The following TENM2 variants were observed in gnomAD, a reference collection of about 807,000 sequenced individuals.
TENM2 encodes the protein teneurin transmembrane protein 2.
TENM2 carries 52 observed loss-of-function variants against 245.2 expected under a neutral mutation model. That is an observed-to-expected ratio of 0.21 (90% CI 0.17 to 0.27). The LOEUF (loss-of-function observed/expected upper bound fraction) is 0.27, where lower values mean the gene tolerates loss of function less well. Ranked by LOEUF, TENM2 falls within the 10% of genes least tolerant of loss-of-function variation. The pLI is 1.00. For synonymous variants in TENM2, 1,363 were observed against 1,438.9 expected, an observed-to-expected ratio of 0.95 and a Z score of 1.19; for missense variants, 3,046 against 3,666.8, an observed-to-expected ratio of 0.83 and a Z score of 4.37.
intron 2 of TENM2, among the ~76,000 whole-genome samples, chr5:167,499,509 C>A (rs1490655301): frequency 1.3e-5 from 2 of 152,180 alleles, no homozygotes; most frequent in Middle Eastern, 3.4e-3. Context: ...ATAAAAGAAA[C>A]CAGAATAGTC....
chr5:167,319,268 T>G (rs1325707702), intron 1 of TENM2, among the ~76,000 whole-genome samples: 6 of 152,214 alleles, frequency 3.9e-5, no homozygotes, highest in African/African-American at 1.4e-4. Context: ...TTATATGACC[T>G]TGAGCAAGTG....
At chr5:168,242,242 T>C (rs561569562) in intron 25 of TENM2, among the ~76,000 whole-genome samples, 1 of 152,328 alleles carries the variant, frequency 6.6e-6, no homozygotes, top group Non-Finnish European at 1.5e-5. Flanking sequence ...ATGTGTTTCA[T>C]TACCTGGGCA....
At chr5:168,061,848 G>T (rs1425568064) in intron 6 of TENM2, among the ~76,000 whole-genome samples, 1 of 152,056 alleles carries the variant, frequency 6.6e-6, no homozygotes, top group Non-Finnish European at 1.5e-5. Flanking sequence ...AAAGCATTGT[G>T]CCAAGATTTC....
chr5:168,202,909 C>T (rs1204362994), intron 17 of TENM2, among the ~76,000 whole-genome samples: 1 of 152,204 alleles, frequency 6.6e-6, no homozygotes, highest in Non-Finnish European at 1.5e-5. Flanking sequence ...AGCACTTCAT[C>T]TCATCTCTCC....
chr5:168,067,271 G>T (rs890295944), intron 7 of TENM2, among the ~76,000 whole-genome samples: 7 of 152,172 alleles, frequency 4.6e-5, no homozygotes, highest in African/African-American at 1.7e-4. Context: ...AGGAGCAGAT[G>T]CTGGTACCCC....
chr5:167,919,523 T>C (rs994750492), intron 3 of TENM2, among the ~76,000 whole-genome samples: 3 of 152,256 alleles, frequency 2.0e-5, no homozygotes, highest in Admixed American at 6.5e-5. Flanking sequence ...GACACATTAT[T>C]CCTTGGCTTT....
chr5:167,449,939 C>T (rs2127473127), intron 2 of TENM2, among the ~76,000 whole-genome samples: 1 of 152,196 alleles, frequency 6.6e-6, no homozygotes, highest in South Asian at 2.1e-4. Flanking sequence ...GCCTGGGCAA[C>T]CAGGGTGAAA....
chr5:167,950,634 G>A lies in TENM2; in HGVS notation c.713-1954G>A, dbSNP rs143573121. Among the ~76,000 whole-genome samples, 64 of 152,186 alleles carry A rather than the reference G, an allele frequency of 4.2e-4. No individual in the cohort carries two copies. The East Asian group carries it at 0.011, about 25-fold the overall frequency. On this transcript the variant is annotated intron_variant, in intron 3 of 28. Coordinates refer to ENST00000518659, the Ensembl canonical transcript of TENM2. ...GGAGTTGAGAGAGGGGGAAAGAAAG[G>A]CATGAGAATTCATTAACCATGTGTG...
the TENM2 span, among the ~76,000 whole-genome samples, chr5:167,084,447 G>A: frequency 6.9e-6 from 1 of 144,782 alleles, no homozygotes; most frequent in South Asian, 2.2e-4. Context: ...AACAACACCA[G>A]CAACCATAAC....
chr5:168,210,888 C>T (rs1208597073), intron 19 of TENM2, among the ~76,000 whole-genome samples: 2 of 152,124 alleles, frequency 1.3e-5, no homozygotes, highest in Admixed American at 6.5e-5. Context: ...GTCTCTGGCA[C>T]GTCAATTTTC....
At chr5:167,989,117 T>C (rs1021101124) in intron 4 of TENM2, among the ~76,000 whole-genome samples, 2 of 152,162 alleles carry the variant, frequency 1.3e-5, no homozygotes, top group African/African-American at 4.8e-5. Context: ...CCAGTTCAAG[T>C]GTCCAGGAGT....
the TENM2 span, among the ~76,000 whole-genome samples, chr5:167,004,277 A>G: frequency 6.6e-6 from 1 of 152,190 alleles, no homozygotes; most frequent in African/African-American, 2.4e-5. Context: ...TCATTGGAAC[A>G]ATATAAAATT....
chr5:167,596,072 T>G (rs1776185951), intron 2 of TENM2, among the ~76,000 whole-genome samples: 1 of 152,154 alleles, frequency 6.6e-6, no homozygotes, highest in Non-Finnish European at 1.5e-5. Flanking sequence ...TAACGCTATT[T>G]TGTTCAGCAT....
intron 2 of TENM2, among the ~76,000 whole-genome samples, chr5:167,464,918 A>G (rs1766547088): frequency 6.6e-6 from 1 of 152,248 alleles, no homozygotes; most frequent in African/African-American, 2.4e-5. Flanking sequence ...AATTGAGATA[A>G]TCAGCATGCA....
chr5:168,012,966 T>C (rs1447799593), intron 5 of TENM2, among the ~76,000 whole-genome samples: 1 of 152,072 alleles, frequency 6.6e-6, no homozygotes, highest in Non-Finnish European at 1.5e-5. Context: ...TCCTTAGGTT[T>C]CCTGCCTCAT....
intron 2 of TENM2, among the ~76,000 whole-genome samples, chr5:167,508,487 A>T (rs1769707551): frequency 6.6e-6 from 1 of 152,192 alleles, no homozygotes; most frequent in Admixed American, 6.5e-5. Context: ...ATGGCTCCAC[A>T]TATTCACAGT....
intron 2 of TENM2, among the ~76,000 whole-genome samples, chr5:167,852,166 C>T (rs889954525): frequency 3.9e-5 from 6 of 152,096 alleles, no homozygotes; most frequent in East Asian, 1.9e-4. Context: ...TGCTTTTCAA[C>T]GTTTGTAAGG....
At chr5:167,725,257 CT>C (rs572043184) in intron 2 of TENM2, among the ~76,000 whole-genome samples, 195 of 151,262 alleles carry the variant, frequency 1.3e-3, no homozygotes, top group African/African-American at 4.3e-3. Flanking sequence ...ATGAATCACA[CT>C]TTTTTTTTAA....
intron 2 of TENM2, among the ~76,000 whole-genome samples, chr5:167,715,653 C>A (rs1759205883): frequency 1.3e-5 from 2 of 152,260 alleles, no homozygotes; most frequent in South Asian, 4.1e-4. Context: ...GTTTCATATA[C>A]CTTTCCATAT....
Sources: allele counts gnomAD v4.1 joint callset (sites outside exome capture counted in the v4.1 genomes callset), GRCh38; gene constraint gnomAD v4.1.1; transcripts MANE v1.5; gene names NCBI Gene and HGNC (gene_info 2026-07-23, HGNC 2026-07-21).